Variants in EFNA5 observed in about 807,000 individuals in gnomAD.
EFNA5 encodes the protein ephrin-A5.
In EFNA5, 5 loss-of-function variants were observed where a neutral mutation model predicts 22.9. The ratio of observed to expected loss-of-function variants is 0.22; its 90% CI spans 0.11 to 0.46. The LOEUF (loss-of-function observed/expected upper bound fraction) is 0.46. Ranked by LOEUF, EFNA5 falls within the 20% of genes least tolerant of loss-of-function variation. The pLI, the probability that EFNA5 is intolerant of heterozygous loss-of-function variation, is 0.99. For missense variants in EFNA5, 237 were observed against 293.3 expected (o/e 0.81, Z 1.40); for synonymous variants, 113 against 112.2 (o/e 1.01, Z -0.04).
At chr5:107,433,853 A>T (rs1449287309) in intron 1 of EFNA5, among the ~76,000 whole-genome samples, 1 of 151,710 alleles carries the variant, frequency 6.6e-6, no homozygotes, top group Non-Finnish European at 1.5e-5. Context: ...GTGAACCGAG[A>T]TTGTGCCACT....
At chr5:107,443,789 G>T (rs948172589) in intron 1 of EFNA5, among the ~76,000 whole-genome samples, 3 of 152,146 alleles carry the variant, frequency 2.0e-5, no homozygotes, top group African/African-American at 7.2e-5. Context: ...ATATCAGGTT[G>T]ATAGGTGCAG....
chr5:107,421,322 C>G (rs1195420306), intron 2 of EFNA5, among the ~76,000 whole-genome samples: 1 of 152,138 alleles, frequency 6.6e-6, no homozygotes, highest in Non-Finnish European at 1.5e-5. Flanking sequence ...TCAGATATAA[C>G]AAATGCTGGA....
chr5:107,561,765 C>T (rs982869051), intron 1 of EFNA5, among the ~76,000 whole-genome samples: 2 of 152,182 alleles, frequency 1.3e-5, no homozygotes, highest in Non-Finnish European at 2.9e-5. Context: ...AAATTTAATG[C>T]TTAAACAGAT....
At position 107,379,944 on chromosome 5, in the gene EFNA5, C is replaced by T. The variant is rs991861559; in HGVS notation, c.*1311G>A. The T allele has an allele frequency of 5.3e-5, 8 of 152,146 alleles. No individual in the cohort carries two copies. Among genetic ancestry groups the T allele is most frequent in the African/African-American group, 1.9e-4 (8 of 41,422 alleles). 9.4% of individuals were successfully genotyped at this position (152,146 alleles called of 1,614,324 possible). ...TTTGTTAAAGTCTTTGGGACTCCATCTTGTTTATCTCCCACAGATAAACAC... is the reference window on the plus strand; with the variant it reads ...TTTGTTAAAGTCTTTGGGACTCCATTTTGTTTATCTCCCACAGATAAACAC... On this transcript the variant is annotated 3_prime_UTR_variant, in exon 5 of 5. Transcript: ENST00000333274.
chr5:107,457,638 T>C (rs1749729294), intron 1 of EFNA5, among the ~76,000 whole-genome samples: 1 of 152,162 alleles, frequency 6.6e-6, no homozygotes. Flanking sequence ...CACCCATGTA[T>C]AAGGAGGGCC....
At chr5:107,550,873 A>G (rs1748279013) in intron 1 of EFNA5, among the ~76,000 whole-genome samples, 1 of 152,230 alleles carries the variant, frequency 6.6e-6, no homozygotes, top group South Asian at 2.1e-4. Flanking sequence ...GCTAGGTACA[A>G]TGAAATGAAA....
At chr5:107,465,063 CTTTT>C (rs11317668) in intron 1 of EFNA5, among the ~76,000 whole-genome samples, 7 of 147,510 alleles carry the variant, frequency 4.7e-5, no homozygotes, top group African/African-American at 7.4e-5. Flanking sequence ...CTGTGTGAGG[CTTTT>C]TTTTTTTTTT....
At chr5:107,587,229 C>T (rs1209921516) in intron 1 of EFNA5, among the ~76,000 whole-genome samples, 2 of 152,128 alleles carry the variant, frequency 1.3e-5, no homozygotes, top group African/African-American at 2.4e-5. Flanking sequence ...CATTTCTCTT[C>T]CCCTTCTCCC....
At chr5:107,457,841 T>C (rs1028024169) in intron 1 of EFNA5, among the ~76,000 whole-genome samples, 5 of 152,196 alleles carry the variant, frequency 3.3e-5, no homozygotes, top group Non-Finnish European at 5.9e-5. Flanking sequence ...ATCCTCTGAA[T>C]TGCTTCACAT....
rs140249137 is a variant in EFNA5, at chr5:107,590,799, T to A, written c.125+79690A>T. On this transcript the variant is annotated intron_variant, in intron 1 of 4. Transcript: ENST00000333274. ...GGACAAAACTCACTGCAACCACAAC[T>A]GCTTTCAGAAATTGTTTTGAGAAAT... Among the ~76,000 whole-genome samples, 4 of 152,332 alleles carry A rather than the reference T, an allele frequency of 2.6e-5. No individual in the cohort carries two copies. The East Asian group carries it at 7.7e-4, about 29-fold the overall frequency.
chr5:107,618,945 G>A (rs575971706), intron 1 of EFNA5, among the ~76,000 whole-genome samples: 10 of 150,446 alleles, frequency 6.6e-5, no homozygotes, highest in African/African-American at 2.2e-4. Flanking sequence ...ATTTTGAGAC[G>A]GAGTCTTGCA....
intron 1 of EFNA5, among the ~76,000 whole-genome samples, chr5:107,480,510 T>C (rs1392400071): frequency 2.0e-5 from 3 of 152,216 alleles, no homozygotes; most frequent in Non-Finnish European, 4.4e-5. Context: ...CGCCAGGCTA[T>C]ACGTAAAGCG....
rs188623397 is a variant in EFNA5 at position 107,620,226 on chromosome 5, A to C, written c.125+50263T>G. ...TTTGGCATTTCTCATTTTCTAAAAA[A>C]CAAAAACAAGATTCCCATTTGGGCA... On this transcript the variant is annotated intron_variant, in intron 1 of 4. Transcript: ENST00000333274. 5.9e-5 allele frequency among the ~76,000 whole-genome samples: 9 copies of C among 152,386 alleles called. No individual in the cohort carries two copies. The East Asian group carries it at 1.5e-3, about 26-fold the overall frequency.
intron 1 of EFNA5, among the ~76,000 whole-genome samples, chr5:107,633,869 CTTTCT>C (rs1405490555): frequency 6.6e-6 from 1 of 152,108 alleles, no homozygotes; most frequent in African/African-American, 2.4e-5. Flanking sequence ...ACTTTTCTTT[CTTTCT>C]TTTATTTTTG....
chr5:107,506,549 A>C (rs1023082003), intron 1 of EFNA5, among the ~76,000 whole-genome samples: 3 of 152,292 alleles, frequency 2.0e-5, no homozygotes, highest in East Asian at 1.9e-4. Context: ...GAGGAGAGGC[A>C]ATCTGGGGCC....
At chr5:107,591,941 TATTATATATAA>T (rs1749352594) in intron 1 of EFNA5, among the ~76,000 whole-genome samples, 2 of 21,106 alleles carry the variant, frequency 9.5e-5, no homozygotes, top group South Asian at 1.1e-3. Flanking sequence ...ATAATATATA[TATTATATATAA>T]TATATAATAT....
chr5:107,511,081 C>T (rs1438243245), intron 1 of EFNA5, among the ~76,000 whole-genome samples: 1 of 149,938 alleles, frequency 6.7e-6, no homozygotes, highest in Non-Finnish European at 1.5e-5. Context: ...GGCTGGAGTG[C>T]AATGGCACGA....
At chr5:107,440,988 A>AT (rs948342379) in intron 1 of EFNA5, among the ~76,000 whole-genome samples, 23 of 150,054 alleles carry the variant, frequency 1.5e-4, no homozygotes, top group African/African-American at 5.4e-4. Context: ...ATCATACCCC[A>AT]TTTTGCATGC....
chr5:107,562,124 T>C (rs1288502735), intron 1 of EFNA5, among the ~76,000 whole-genome samples: 1 of 152,212 alleles, frequency 6.6e-6, no homozygotes, highest in African/African-American at 2.4e-5. Context: ...TTCATTCATC[T>C]AGGAGTTTCT....
Sources: gnomAD v4.1 joint callset for allele counts (sites outside exome capture counted in the v4.1 genomes callset) on GRCh38, gnomAD v4.1.1 for gene constraint, MANE v1.5 for transcripts, NCBI Gene and HGNC (gene_info 2026-07-23, HGNC 2026-07-21) for gene names.